SHTN1: variants seen among roughly 807,000 people sequenced by gnomAD.
SHTN1 encodes the protein shootin 1.
A neutral mutation model predicts 83.1 loss-of-function variants in SHTN1; 42 were observed. The ratio of observed to expected loss-of-function variants is 0.51; its 90% confidence interval spans 0.39 to 0.65. SHTN1 has a LOEUF of 0.65. SHTN1 is among the 30% of genes least tolerant of loss of function. SHTN1 has a pLI of 0.00. For synonymous variants in SHTN1, 224 were observed against 247.7 expected, an observed-to-expected ratio of 0.90 and a Z score of 0.90; for missense variants, 622 against 737.8, an observed-to-expected ratio of 0.84 and a Z score of 1.82.
At chr10:116,948,215 T>G in intron 7 of SHTN1, among the ~76,000 whole-genome samples, 1 of 152,226 alleles carries the variant, frequency 6.6e-6, no homozygotes, top group African/African-American at 2.4e-5. Context: ...TGATGCTGTG[T>G]TTTATAACTA....
At chr10:116,896,677 C>T (rs922706725) in intron 16 of SHTN1, among the ~76,000 whole-genome samples, 2 of 152,126 alleles carry the variant, frequency 1.3e-5, no homozygotes, top group Admixed American at 1.3e-4. Flanking sequence ...ATTACTGACA[C>T]TATTCTCTTA....
intron 2 of SHTN1, among the ~76,000 whole-genome samples, chr10:117,046,197 A>C (rs10886032): frequency 0.65 from 99,313 of 151,848 alleles, 36,125 homozygotes; most frequent in Middle Eastern, 0.84. Flanking sequence ...CACACACACA[A>C]AAACTATACC....
chr10:116,901,134 A>G, intron 16 of SHTN1: 1 of 985,394 alleles, frequency 1.0e-6, no homozygotes, highest in South Asian at 4.7e-5. Flanking sequence ...CAAGAGAACT[A>G]AAGCAAAACT....
In SHTN1 at chr10:116,963,325, G is replaced by A. The variant is rs1345111251; in HGVS notation, c.173-3095C>T. Among the ~76,000 whole-genome samples the A allele has an allele frequency of 3.3e-5, 5 of 151,644 alleles. No homozygotes were observed. The East Asian group carries it at 7.8e-4, about 24-fold the overall frequency. The stretch of plus-strand genomic sequence containing the variant: ...CTGACCTCGTGATCCGCCCGCCTCG[G>A]CCTCCCAAAGTGCTGGGATTACAAG... On this transcript the variant is annotated intron_variant, in intron 3 of 16. Transcript: ENST00000355371.
chr10:117,013,881 G>A (rs771697707), intron 2 of SHTN1, among the ~76,000 whole-genome samples: 1 of 152,104 alleles, frequency 6.6e-6, no homozygotes, highest in Admixed American at 6.6e-5. Flanking sequence ...CTCAATAGGT[G>A]AATGAACAAA....
chr10:116,914,292 T>C (rs1017451915), intron 13 of SHTN1, among the ~76,000 whole-genome samples: 3 of 151,938 alleles, frequency 2.0e-5, no homozygotes, highest in Non-Finnish European at 4.4e-5. Flanking sequence ...GCCAACACGG[T>C]GAAACCCTGT....
At chr10:116,903,671 T>A (rs1847842493) in intron 15 of SHTN1, among the ~76,000 whole-genome samples, 1 of 152,184 alleles carries the variant, frequency 6.6e-6, no homozygotes, top group Non-Finnish European at 1.5e-5. Context: ...AATTCAAGAT[T>A]TGCTTCTGAT....
At chr10:117,003,546 G>C (rs181673803) in intron 1 of SHTN1, among the ~76,000 whole-genome samples, 1 of 151,822 alleles carries the variant, frequency 6.6e-6, no homozygotes, top group Non-Finnish European at 1.5e-5. Flanking sequence ...GGCTTCAGAG[G>C]AATCCGGGAG....
chr10:117,098,330 G>A (rs1438841345), intron 1 of SHTN1, among the ~76,000 whole-genome samples: 1 of 150,718 alleles, frequency 6.6e-6, no homozygotes, highest in Non-Finnish European at 1.5e-5. Context: ...CCAGGGGGCG[G>A]AGCTTGCAGT....
intron 1 of SHTN1, among the ~76,000 whole-genome samples, chr10:117,088,642 T>G (rs760046329): frequency 5.3e-5 from 8 of 152,172 alleles, no homozygotes; most frequent in Non-Finnish European, 1.2e-4. Context: ...CATTAAAAAG[T>G]CAAAATGTCT....
At chr10:117,125,524 G>A (rs939393285) in intron 1 of SHTN1, among the ~76,000 whole-genome samples, 1 of 151,958 alleles carries the variant, frequency 6.6e-6, no homozygotes, top group Non-Finnish European at 1.5e-5. Context: ...TCGTTACCCT[G>A]CCCAAAACCT....
upstream of SHTN1, chr10:117,005,226 G>A (rs1011149771): frequency 6.0e-6 from 9 of 1,500,416 alleles, no homozygotes; most frequent in African/African-American, 2.8e-5. Flanking sequence ...CTCCTGGCGC[G>A]GAGCGCGCGA....
intron 1 of SHTN1, among the ~76,000 whole-genome samples, chr10:117,051,999 C>CATATATATATATATAT (rs71013635): frequency 0.027 from 919 of 34,008 alleles, 94 homozygotes; most frequent in African/African-American, 0.047. Context: ...ATGACATAAT[C>CATATATATATATATAT]ATATATATAT....
intron 9 of SHTN1, among the ~76,000 whole-genome samples, chr10:116,939,213 T>G (rs1020321375): frequency 7.9e-5 from 12 of 152,112 alleles, no homozygotes; most frequent in Non-Finnish European, 1.5e-4. Context: ...CACTGGAGTA[T>G]GAAGAAACAC....
chr10:117,076,784 C>T lies in SHTN1; in HGVS notation c.-188-28274G>A, dbSNP rs78304003. On this transcript the variant is annotated intron_variant, in intron 1 of 17. Coordinates refer to the SHTN1 transcript ENST00000392901. ...AGAACCGGAAAAAATATGCCTCGCA[C>T]TAATTTGTCCAAGGTCATACAGACG... 7.1e-3 allele frequency among the ~76,000 whole-genome samples: 1,087 copies of T among 152,298 alleles called. 14 individuals carry two copies. The highest frequency in any genetic ancestry group is 0.022 in the East Asian group (114 of 5,184).
intron 2 of SHTN1, among the ~76,000 whole-genome samples, chr10:117,020,494 C>CGT (rs962080416): frequency 6.9e-6 from 1 of 145,090 alleles, no homozygotes; most frequent in African/African-American, 2.6e-5. Flanking sequence ...AGCAAGACTC[C>CGT]GTCTCAAAAA....
At chr10:117,050,238 G>A (rs1852721814) in intron 1 of SHTN1, among the ~76,000 whole-genome samples, 1 of 151,854 alleles carries the variant, frequency 6.6e-6, no homozygotes, top group South Asian at 2.1e-4. Context: ...CAATAAAACT[G>A]ATAAACCTCT....
chr10:116,915,349 GA>G, intron 13 of SHTN1, 25 bp downstream of exon 13: 5 of 1,202,436 alleles, frequency 4.2e-6, no homozygotes, highest in South Asian at 2.6e-5. Context: ...ATCAAACAGG[GA>G]AAAAAGCATT....
At chr10:117,065,856 A>AAGGAAGGAAAGGAG (rs1564947544) in intron 1 of SHTN1, among the ~76,000 whole-genome samples, 2 of 37,064 alleles carry the variant, frequency 5.4e-5, no homozygotes, top group Admixed American at 3.5e-4. Flanking sequence ...AAGGAAGGAA[A>AAGGAAGGAAAGGAG]GGAGGGAGGG....
Sources: allele counts gnomAD v4.1 joint callset (sites outside exome capture counted in the v4.1 genomes callset), GRCh38; gene constraint gnomAD v4.1.1; transcripts MANE v1.5; gene names NCBI Gene and HGNC (gene_info 2026-07-23, HGNC 2026-07-21).